Variants in LRP1B observed in about 807,000 individuals in gnomAD.
The protein encoded by LRP1B is low-density lipoprotein receptor-related protein 1B.
LRP1B carries 217 observed loss-of-function variants against 556.6 expected under a neutral mutation model. The observed-to-expected ratio is 0.39, with a 90% CI of 0.35 to 0.44. LRP1B has a LOEUF of 0.44. LRP1B is among the 20% of genes least tolerant of loss of function. The pLI, the probability that LRP1B is intolerant of heterozygous loss-of-function variation, is 1.00. For missense variants in LRP1B, 5,053 were observed against 5,620.8 expected (o/e 0.90, Z 3.23); for synonymous variants, 2,047 against 1,865.8 (o/e 1.10, Z -2.50).
At chr2:141,423,296 T>G (rs1035106471) in intron 3 of LRP1B, among the ~76,000 whole-genome samples, 22 of 114,334 alleles carry the variant, frequency 1.9e-4, no homozygotes, top group East Asian at 1.7e-3. Context: ...AGAGCTTTTT[T>G]TTTTTTTTTT....
intron 7 of LRP1B, among the ~76,000 whole-genome samples, chr2:141,119,283 G>T (rs1298977944): frequency 2.6e-5 from 4 of 151,836 alleles, no homozygotes; most frequent in African/African-American, 9.7e-5. Context: ...AATAAGAAAA[G>T]AAAGGTCTTA....
At chr2:140,905,256 T>C (rs1275059239) in intron 22 of LRP1B, among the ~76,000 whole-genome samples, 1 of 151,800 alleles carries the variant, frequency 6.6e-6, no homozygotes, top group Non-Finnish European at 1.5e-5. Flanking sequence ...CACAAATACA[T>C]ACTAACAGAC....
At chr2:141,101,668 TGAAA>T (rs1377107966) in intron 7 of LRP1B, among the ~76,000 whole-genome samples, 1 of 152,198 alleles carries the variant, frequency 6.6e-6, no homozygotes, top group African/African-American at 2.4e-5. Context: ...AATGGCAACA[TGAAA>T]GAAAGATTTT....
intron 12 of LRP1B, 149 bp downstream of exon 12, chr2:141,019,772 AC>A: frequency 1.9e-6 from 1 of 517,130 alleles, no homozygotes; most frequent in Non-Finnish European, 3.3e-6. Context: ...GTACAGAAAA[AC>A]CCTTAAATGT....
chr2:140,369,384 G>A (rs766408155), intron 71 of LRP1B, among the ~76,000 whole-genome samples: 2 of 151,866 alleles, frequency 1.3e-5, no homozygotes, highest in African/African-American at 2.4e-5. Flanking sequence ...GAGGTGATTC[G>A]CTAGAATATG....
In LRP1B at chr2:142,130,805, A is replaced by G. The variant is rs757289266; in HGVS notation, c.-76T>C. ...TCGGCCCGGCGGCGGCGGCGGCGGC[A>G]GGGGCCGCTTGGAGCCTGGAATCGA... On this transcript the variant is annotated 5_prime_UTR_variant, in exon 1 of 91. Coordinates refer to ENST00000389484, the MANE Select transcript of LRP1B (RefSeq NM_018557.3). 2.0e-5 allele frequency: 24 copies of G among 1,205,496 alleles called. No individual in the cohort carries two copies. Among genetic ancestry groups the G allele is most frequent in the Non-Finnish European group, 2.8e-5 (23 of 828,490 alleles). 74.7% of individuals were successfully genotyped at this position (1,205,496 alleles called of 1,614,324 possible).
chr2:140,428,152 AT>A lies in LRP1B; in HGVS notation c.10414+14351del, dbSNP rs1685744748. On this transcript the variant is annotated intron_variant, in intron 66 of 90. Coordinates refer to ENST00000389484, the MANE Select transcript of LRP1B (RefSeq NM_018557.3). ...CCGTCTTATTCTCAATATACATTTTATTACCCAATCCCAACATTAAATAAAA... is the reference window on the plus strand; with the variant it reads ...CCGTCTTATTCTCAATATACATTTTATACCCAATCCCAACATTAAATAAAA... Among the ~76,000 whole-genome samples, 78 of 152,160 alleles carry A rather than the reference AT, an allele frequency of 5.1e-4. 4 individuals are homozygous for A. Among genetic ancestry groups the A allele is most frequent in the Non-Finnish European group, 1.5e-5 (1 of 68,038 alleles).
intron 66 of LRP1B, among the ~76,000 whole-genome samples, chr2:140,391,456 T>C (rs994232090): frequency 6.6e-6 from 1 of 151,886 alleles, no homozygotes; most frequent in Non-Finnish European, 1.5e-5. Context: ...TTTGGGTGTC[T>C]GTCACACGTT....
intron 59 of LRP1B, among the ~76,000 whole-genome samples, chr2:140,478,843 T>C (rs993809701): frequency 4.6e-5 from 7 of 152,038 alleles, no homozygotes; most frequent in Non-Finnish European, 1.0e-4. Context: ...TTGATAAGTA[T>C]GTAGCAAGTG....
In LRP1B at chr2:140,730,729, T is replaced by A. The variant is rs1350007619; in HGVS notation, c.5759-13913A>T. Among the ~76,000 whole-genome samples, 4 of 152,232 alleles carry A rather than the reference T, an allele frequency of 2.6e-5. No homozygotes were observed. The East Asian group carries it at 7.8e-4, about 30-fold the overall frequency. The stretch of plus-strand genomic sequence containing the variant: ...CACCCGCCACATGCCCAGCTAATTT[T>A]TGTATTTTTAGTAGAGACGGAGTTT... On this transcript the variant is annotated intron_variant, in intron 35 of 90. Transcript: ENST00000389484.
chr2:142,087,240 A>G (rs1705977397), intron 1 of LRP1B, among the ~76,000 whole-genome samples: 1 of 151,588 alleles, frequency 6.6e-6, no homozygotes, highest in Non-Finnish European at 1.5e-5. Flanking sequence ...TGGGGTGGAG[A>G]AAAAGAAATG....
chr2:140,449,842 T>C (rs1686814121), intron 63 of LRP1B, among the ~76,000 whole-genome samples: 2 of 152,160 alleles, frequency 1.3e-5, no homozygotes, highest in Admixed American at 6.6e-5. Context: ...TACTGGGATG[T>C]TGAGGGAATT....
At chr2:141,129,722 C>A (rs1325519633) in intron 7 of LRP1B, among the ~76,000 whole-genome samples, 3 of 151,736 alleles carry the variant, frequency 2.0e-5, no homozygotes, top group African/African-American at 7.3e-5. Flanking sequence ...ATTTTATAAG[C>A]AGGAAGATAA....
chr2:140,763,182 T>A (rs1462430405), intron 35 of LRP1B, among the ~76,000 whole-genome samples: 1 of 152,092 alleles, frequency 6.6e-6, no homozygotes, highest in Non-Finnish European at 1.5e-5. Context: ...CTCAAACATA[T>A]ATAATTTAAA....
intron 2 of LRP1B, among the ~76,000 whole-genome samples, chr2:141,753,263 C>CACATATATATAT (rs1553459356): frequency 1.6e-5 from 1 of 62,502 alleles, no homozygotes; most frequent in African/African-American, 6.0e-5. Flanking sequence ...TCTCTCTCTC[C>CACATATATATAT]ATATATATAT....
intron 60 of LRP1B, among the ~76,000 whole-genome samples, chr2:140,469,546 T>A (rs1316904453): frequency 6.6e-6 from 1 of 152,222 alleles, no homozygotes; most frequent in Non-Finnish European, 1.5e-5. Context: ...ATATTAGGAT[T>A]TACTGAGATG....
chr2:140,375,934 ACTTAT>A (rs1363721558), intron 68 of LRP1B, among the ~76,000 whole-genome samples: 3 of 152,054 alleles, frequency 2.0e-5, no homozygotes, highest in South Asian at 4.1e-4. Context: ...TCATACAGAA[ACTTAT>A]CTTCACAATT....
chr2:142,109,246 A>G (rs971128950), intron 1 of LRP1B, among the ~76,000 whole-genome samples: 1 of 152,168 alleles, frequency 6.6e-6, no homozygotes, highest in Non-Finnish European at 1.5e-5. Flanking sequence ...TGGACTAGGA[A>G]AAAGGACATT....
rs1379165775 is a variant in LRP1B, at chr2:140,350,784, G to T, written c.11892+13C>A. On this transcript the variant is annotated intron_variant, in intron 77 of 90. Transcript: ENST00000389484. ...AGGTATGGACTTTCAAATATACAAT[G>T]GTATTTACTTACAATCAAGCCACTG... is the stretch of plus-strand genomic sequence containing the variant. 1 of 1,607,890 alleles carries T rather than the reference G, an allele frequency of 6.2e-7. No individual in the cohort carries two copies. Among genetic ancestry groups the T allele is most frequent in the Non-Finnish European group, 8.5e-7 (1 of 1,177,280 alleles).
Sources: allele counts gnomAD v4.1 joint callset (sites outside exome capture counted in the v4.1 genomes callset), GRCh38; gene constraint gnomAD v4.1.1; transcripts MANE v1.5; gene names NCBI Gene and HGNC (gene_info 2026-07-23, HGNC 2026-07-21).